TLK1: variants seen among roughly 807,000 people sequenced by gnomAD.
TLK1 encodes serine/threonine-protein kinase tousled-like 1.
In TLK1, 24 loss-of-function variants were observed where a neutral mutation model predicts 105.3. The observed-to-expected ratio is 0.23, with a 90% CI of 0.17 to 0.32. The LOEUF is 0.32. Ranked by LOEUF, TLK1 falls within the 10% of genes least tolerant of loss-of-function variation. The pLI, the probability that TLK1 is intolerant of heterozygous loss-of-function variation, is 1.00. For missense variants in TLK1, 558 were observed against 910.5 expected (o/e 0.61, Z 4.98); for synonymous variants, 321 against 310.4 (o/e 1.03, Z -0.36).
At chr2:171,038,250 T>C (rs1450685875) in intron 11 of TLK1, among the ~76,000 whole-genome samples, 1 of 152,196 alleles carries the variant, frequency 6.6e-6, no homozygotes, top group East Asian at 1.9e-4. Flanking sequence ...TATCAGGTTT[T>C]TTCCCCTACA....
chr2:171,115,686 T>C (rs1690393793), intron 2 of TLK1, among the ~76,000 whole-genome samples: 1 of 152,328 alleles, frequency 6.6e-6, no homozygotes, highest in Non-Finnish European at 1.5e-5. Context: ...ATGGTGGTGA[T>C]ATTGACTATA....
chr2:170,996,621 C>T, intron 20 of TLK1, 32 bp downstream of exon 20: 6 of 1,566,660 alleles, frequency 3.8e-6, no homozygotes, highest in Non-Finnish European at 5.2e-6. Context: ...AGAAAAGTTA[C>T]TTCACAAAAC....
chr2:170,992,935 T>C lies in TLK1; in HGVS notation c.*845A>G, dbSNP rs1575491421. 6.6e-6 allele frequency: 1 copy of C among 152,660 alleles called. No homozygotes were observed. Among genetic ancestry groups the C allele is most frequent in the African/African-American group, 2.4e-5 (1 of 41,470 alleles). The allele number at this position is 152,660 out of a possible 1,614,324, so 9.5% of individuals were successfully genotyped here. A position where few individuals can be genotyped will look rare whatever the true frequency, so the allele number is the denominator to read the frequency against. On this transcript the variant is annotated 3_prime_UTR_variant, in exon 21 of 21. Transcript: ENST00000431350. ...GAAGGGAATTTATCATTATCCTGCA[T>C]AGAACTGGTCTGCATTTGGTTACTC...
chr2:171,177,823 C>T (rs962921719), intron 1 of TLK1, among the ~76,000 whole-genome samples: 4 of 151,838 alleles, frequency 2.6e-5, no homozygotes, highest in Non-Finnish European at 4.4e-5. Context: ...GATGGAGTTT[C>T]GCTCTTGTTG....
chr2:171,056,697 C>CA (rs3083754), intron 5 of TLK1, 131 bp from the exon 6 acceptor site: 8,694 of 419,278 alleles, frequency 0.021, 8 homozygotes, highest in African/African-American at 0.028. Context: ...GGGTCCAGAA[C>CA]AAAAAAAAAA....
intron 1 of TLK1, among the ~76,000 whole-genome samples, chr2:171,208,681 G>A (rs1693553806): frequency 1.3e-5 from 2 of 152,274 alleles, no homozygotes; most frequent in South Asian, 4.1e-4. Flanking sequence ...AAAAGTAGAA[G>A]CAACTTAAAC....
At chr2:171,071,932 T>C (rs1027993986) in intron 3 of TLK1, among the ~76,000 whole-genome samples, 1 of 152,210 alleles carries the variant, frequency 6.6e-6, no homozygotes, top group African/African-American at 2.4e-5. Flanking sequence ...TCTGTTCCAC[T>C]GGTCTATGTG....
intron 1 of TLK1, among the ~76,000 whole-genome samples, chr2:171,193,955 G>A (rs1693212148): frequency 6.6e-6 from 1 of 151,926 alleles, no homozygotes; most frequent in Admixed American, 6.6e-5. Context: ...CCTGACCTCA[G>A]GTGATCACCT....
intron 1 of TLK1, among the ~76,000 whole-genome samples, chr2:171,192,648 C>A (rs1172788612): frequency 6.6e-6 from 1 of 151,872 alleles, no homozygotes; most frequent in East Asian, 1.9e-4. Flanking sequence ...CCACTGCACT[C>A]CAGCCTGGGT....
intron 14 of TLK1, among the ~76,000 whole-genome samples, chr2:171,009,291 C>CTTTTTTTTTTTTTTTTTTTTTT (rs71008743): frequency 1.3e-5 from 1 of 74,832 alleles, no homozygotes; most frequent in African/African-American, 6.1e-5. Context: ...ATTTCTTTTC[C>CTTTTTTTTTTTTTTTTTTTTTT]TTTTTTTTTT....
intron 2 of TLK1, among the ~76,000 whole-genome samples, chr2:171,103,280 A>G (rs1689772095): frequency 6.7e-6 from 1 of 150,000 alleles, no homozygotes; most frequent in Admixed American, 6.6e-5. Context: ...ATATATATAT[A>G]TAATTTTTTT....
intron 1 of TLK1, among the ~76,000 whole-genome samples, chr2:171,209,144 T>C (rs1693562573): frequency 6.6e-6 from 1 of 152,184 alleles, no homozygotes; most frequent in Admixed American, 6.5e-5. Context: ...GCGTAAATAG[T>C]GTGTTCCCTT....
intron 20 of TLK1, 146 bp downstream of exon 20, chr2:170,996,507 G>T: frequency 1.9e-6 from 1 of 532,516 alleles, no homozygotes; most frequent in African/African-American, 2.0e-5. Flanking sequence ...CTCCTTCTCT[G>T]AAAGTAAATC....
At chr2:171,217,476 C>G (rs1693736308) in intron 1 of TLK1, among the ~76,000 whole-genome samples, 1 of 146,072 alleles carries the variant, frequency 6.8e-6, no homozygotes, top group African/African-American at 2.8e-5. Flanking sequence ...TATTTCACCT[C>G]TTTTCCATTT....
chr2:171,090,800 T>C (rs1056843938), intron 2 of TLK1, among the ~76,000 whole-genome samples: 1 of 152,218 alleles, frequency 6.6e-6, no homozygotes, highest in Non-Finnish European at 1.5e-5. Flanking sequence ...AGGCTTTTTA[T>C]TGGTAATGTT....
chr2:171,205,016 T>C (rs1251079086), intron 1 of TLK1, among the ~76,000 whole-genome samples: 1 of 151,606 alleles, frequency 6.6e-6, no homozygotes, highest in African/African-American at 2.4e-5. Context: ...TGATGTTAAA[T>C]AAGGGTGAGT....
At chr2:171,117,301 A>G (rs895231456) in intron 2 of TLK1, among the ~76,000 whole-genome samples, 3 of 151,922 alleles carry the variant, frequency 2.0e-5, no homozygotes, top group Non-Finnish European at 2.9e-5. Context: ...AGTAATGCTC[A>G]CTCTCCTGCC....
intron 12 of TLK1, among the ~76,000 whole-genome samples, chr2:171,027,788 A>T (rs6433279): frequency 0.96 from 145,828 of 152,306 alleles, 70,084 homozygotes; most frequent in East Asian, 1. Flanking sequence ...TCCTCCACTA[A>T]AGGGATATGG....
intron 1 of TLK1, among the ~76,000 whole-genome samples, chr2:171,151,713 G>A (rs916260101): frequency 8.0e-5 from 12 of 150,242 alleles, no homozygotes; most frequent in Non-Finnish European, 1.5e-4. Flanking sequence ...CTGACCTCGT[G>A]ATCCGCCCGC....
Sources: gnomAD v4.1 joint callset for allele counts (sites outside exome capture counted in the v4.1 genomes callset) on GRCh38, gnomAD v4.1.1 for gene constraint, MANE v1.5 for transcripts, NCBI Gene and HGNC (gene_info 2026-07-23, HGNC 2026-07-21) for gene names.